Variants in PCDHA7 observed in about 807,000 individuals in gnomAD.
PCDHA7 encodes protocadherin alpha-7.
PCDHA7 carries 37 observed loss-of-function variants against 57.2 expected under a neutral mutation model. The observed-to-expected ratio is 0.65, with a 90% confidence interval of 0.50 to 0.85. The LOEUF is 0.85. Ranked by LOEUF, PCDHA7 falls within the 40% of genes least tolerant of loss-of-function variation. The probability of loss-of-function intolerance (pLI) is 0.00; values close to 1 mark genes in which losing one functional copy is unlikely to be tolerated. For synonymous variants in PCDHA7, 553 were observed against 558.8 expected, an observed-to-expected ratio of 0.99 and a Z score of 0.15; for missense variants, 1,188 against 1,241.8, an observed-to-expected ratio of 0.96 and a Z score of 0.65.
intron 1 of PCDHA7, among the ~76,000 whole-genome samples, chr5:140,939,048 A>T (rs931079281): frequency 1.3e-5 from 2 of 152,180 alleles, no homozygotes; most frequent in Admixed American, 6.5e-5. Flanking sequence ...GTCTTAGTCC[A>T]TTTGGGCTGC....
In PCDHA7 at chr5:140,835,503, G is replaced by C. The variant is rs1554135018; in HGVS notation, c.1120G>C (p.Val374Leu). 1 of 1,613,792 alleles carries C rather than the reference G, an allele frequency of 6.2e-7. No individual in the cohort carries two copies. The highest frequency in any genetic ancestry group is 2.2e-5 in the East Asian group (1 of 44,844). ...AGGTACCGTCATCACATTGATTAGC[G>C]TGTTTGACCGAGATTTTGGAGTCAA... is the stretch of plus-strand genomic sequence containing the variant. ...QPGTVITLIS[V>L]FDRDFGVNGQ... Residue 374 changes from valine (V) to leucine (L), a missense_variant, in exon 1 of 4, where the codon GTG becomes CTG. Val to Leu is a conservative substitution (Grantham distance 32). This residue lies in a region of PCDHA7 where 892 missense variants were observed against 788.5 expected (regional missense o/e 1.13). Transcript: ENST00000525929.
At chr5:140,942,543 G>C (rs1272048967) in intron 1 of PCDHA7, among the ~76,000 whole-genome samples, 1 of 152,056 alleles carries the variant, frequency 6.6e-6, no homozygotes, top group Non-Finnish European at 1.5e-5. Flanking sequence ...GTATGGTGGG[G>C]GGTAGGGGGT....
At position 140,855,779 on chromosome 5, in the gene PCDHA7, A is replaced by T. The variant is rs1017564312; in HGVS notation, c.2355+19041A>T. On this transcript the variant is annotated intron_variant, in intron 1 of 3. Transcript: ENST00000525929. ...AAAGTCCATAGACATAAAAATACGT[A>T]AAAAAAGAATTAACATATGAATGAA... is the stretch of plus-strand genomic sequence containing the variant. 1.2e-5 allele frequency: 5 copies of T among 408,902 alleles called. 1 individual carries two copies. Among genetic ancestry groups the T allele is most frequent in the African/African-American group, 2.0e-5 (1 of 49,354 alleles). The allele number at this position is 408,902 out of a possible 1,614,324, so 25.3% of individuals were successfully genotyped here.
At chr5:140,838,208 G>A (rs1272239930) in intron 1 of PCDHA7, among the ~76,000 whole-genome samples, 1 of 150,064 alleles carries the variant, frequency 6.7e-6, no homozygotes, top group Non-Finnish European at 1.5e-5. Flanking sequence ...CCGCCTCTCT[G>A]GTACAAGCAG....
chr5:140,841,115 G>T (rs1777030061), intron 1 of PCDHA7: 4 of 612,976 alleles, frequency 6.5e-6, no homozygotes, highest in Non-Finnish European at 1.1e-5. Flanking sequence ...AGTAATTCAT[G>T]TAATCATTAC....
intron 1 of PCDHA7, chr5:140,869,246 T>C (rs782232383): frequency 1.2e-6 from 2 of 1,613,640 alleles, no homozygotes. Flanking sequence ...GTGGGCCGCA[T>C]CGCGCAGGAC....
chr5:140,912,164 CT>C (rs1281307479), intron 1 of PCDHA7, among the ~76,000 whole-genome samples: 1 of 152,158 alleles, frequency 6.6e-6, no homozygotes, highest in Non-Finnish European at 1.5e-5. Flanking sequence ...TTTATTCTGG[CT>C]GTGCTGGCAG....
rs782520846 is a variant in PCDHA7, at chr5:140,842,848, G to T, written c.2355+6110G>T. On this transcript the variant is annotated intron_variant, in intron 1 of 3. Coordinates refer to ENST00000525929, the MANE Select transcript of PCDHA7 (RefSeq NM_018910.3). ...AGCGCTCGCTGTCGAGCTACATTTC[G>T]GTGCACACGGAGAGCGGCAAGGTGT... The T allele has an allele frequency of 1.9e-6, 3 of 1,593,918 alleles. 1 individual carries two copies. Among genetic ancestry groups the T allele is most frequent in the Non-Finnish European group, 2.6e-6 (3 of 1,165,378 alleles).
chr5:140,876,370 G>A, intron 1 of PCDHA7: 1 of 1,613,946 alleles, frequency 6.2e-7, no homozygotes, highest in Non-Finnish European at 8.5e-7. Flanking sequence ...TCCAGACACA[G>A]GTGAAATTAG....
chr5:140,871,106 T>C (rs1554165125), intron 1 of PCDHA7: 1 of 1,613,128 alleles, frequency 6.2e-7, no homozygotes, highest in African/African-American at 1.3e-5. Context: ...CTGGTGTCGT[T>C]GGTGGAGAGC....
intron 1 of PCDHA7, chr5:140,883,720 A>C: frequency 6.2e-7 from 1 of 1,613,566 alleles, no homozygotes; most frequent in Non-Finnish European, 8.5e-7. Context: ...ACGCGGACGC[A>C]CAGGAGAACG....
intron 1 of PCDHA7, among the ~76,000 whole-genome samples, chr5:140,921,264 T>C (rs2080129104): frequency 6.6e-6 from 1 of 152,210 alleles, no homozygotes; most frequent in Non-Finnish European, 1.5e-5. Flanking sequence ...CCTAGACTTT[T>C]ATACTTACTT....
Position 140,849,328 on chromosome 5 carries a change from T to C in PCDHA7, c.2355+12590T>C, listed in dbSNP as rs2150435086. ...GACGAAGGCTTGAATGGGGATATTA[T>C]TTACTCCTTCTCCAGTGATGTTTCT... is the stretch of plus-strand genomic sequence containing the variant. On this transcript the variant is annotated intron_variant, in intron 1 of 3. Transcript: ENST00000525929. 1,235 of 1,370,890 alleles carry C rather than the reference T, an allele frequency of 9.0e-4. 32 individuals carry two copies. In the African/African-American group the frequency reaches 0.018, roughly 20 times the overall value. 84.9% of individuals were successfully genotyped at this position (1,370,890 alleles called of 1,614,324 possible). A position where few individuals can be genotyped will look rare whatever the true frequency, so the allele number is the denominator to read the frequency against.
At chr5:140,870,605 G>A (rs1445292626) in intron 1 of PCDHA7, 2 of 1,613,248 alleles carry the variant, frequency 1.2e-6, no homozygotes, top group Non-Finnish European at 1.7e-6. Flanking sequence ...TTGGGCGACC[G>A]CGCGCTGTCG....
intron 1 of PCDHA7, among the ~76,000 whole-genome samples, chr5:140,957,377 G>A (rs1001680224): frequency 3.3e-5 from 5 of 152,074 alleles, no homozygotes; most frequent in Admixed American, 2.0e-4. Context: ...TTATTATAGT[G>A]TATTGTTATA....
chr5:140,887,242 G>A (rs1445154638), intron 1 of PCDHA7, among the ~76,000 whole-genome samples: 2 of 151,722 alleles, frequency 1.3e-5, no homozygotes, highest in African/African-American at 4.8e-5. Flanking sequence ...GACTACCGGC[G>A]CCCGCCACCA....
chr5:140,838,280 A>ATTTTTTTTTT (rs34299325), intron 1 of PCDHA7, among the ~76,000 whole-genome samples: 1 of 139,572 alleles, frequency 7.2e-6, no homozygotes, highest in African/African-American at 2.7e-5. Flanking sequence ...AGCCATGCTA[A>ATTTTTTTTTT]TTTTTTTTTT....
intron 1 of PCDHA7, among the ~76,000 whole-genome samples, chr5:140,887,521 T>C (rs561642770): frequency 1.3e-5 from 2 of 152,346 alleles, no homozygotes; most frequent in Admixed American, 1.3e-4. Flanking sequence ...TTTTTATATA[T>C]GAGTCTTCCT....
chr5:140,937,950 T>C (rs1483679576), intron 1 of PCDHA7, among the ~76,000 whole-genome samples: 1 of 152,164 alleles, frequency 6.6e-6, no homozygotes, highest in African/African-American at 2.4e-5. Flanking sequence ...AATTGGCTTT[T>C]GTTGAAAGTA....
Sources: gnomAD v4.1 joint callset for allele counts (sites outside exome capture counted in the v4.1 genomes callset) on GRCh38, gnomAD v4.1.1 for gene constraint, gnomAD v4.1.1 regional missense constraint, MANE v1.5 for transcripts, NCBI Gene and HGNC (gene_info 2026-07-23, HGNC 2026-07-21) for gene names.